The following KCNQ2 variants were observed in gnomAD, a reference collection of about 807,000 sequenced individuals.
KCNQ2 encodes the protein potassium voltage-gated channel subfamily KQT member 2.
In KCNQ2, 14 loss-of-function variants were observed where a neutral mutation model predicts 84.8. The observed-to-expected ratio is 0.17, with a 90% CI of 0.11 to 0.26. KCNQ2 has a LOEUF of 0.26. Ranked by LOEUF, KCNQ2 falls within the 10% of genes least tolerant of loss-of-function variation. The pLI, the probability that KCNQ2 is intolerant of heterozygous loss-of-function variation, is 1.00. For synonymous variants in KCNQ2, 599 were observed against 554.1 expected (o/e 1.08, Z -1.14); for missense variants, 788 against 1,254.0 (o/e 0.63, Z 5.61).
intron 10 of KCNQ2, among the ~76,000 whole-genome samples, chr20:63,427,081 G>A (rs994175308): frequency 3.9e-5 from 6 of 152,158 alleles, no homozygotes; most frequent in Non-Finnish European, 7.4e-5. Flanking sequence ...ACTTAGCCGG[G>A]CGTAGTAGCA....
rs555952177 is a variant in KCNQ2 at position 63,415,538 on chromosome 20, C to G, written c.1302-412G>C. On this transcript the variant is annotated intron_variant, in intron 12 of 16. Coordinates refer to ENST00000359125, the MANE Select transcript of KCNQ2 (RefSeq NM_172107.4). ...GGAGGGAGGGAGGGGAGGCCACAGA[C>G]ACTGAGCACCCGGCGGGAGGGAGGG... Among the ~76,000 whole-genome samples the G allele has an allele frequency of 5.7e-3, 456 of 79,748 alleles. 52 individuals are homozygous for G. The highest frequency in any genetic ancestry group is 0.042 in the South Asian group (59 of 1,410). 52.3% of individuals were successfully genotyped at this position (79,748 alleles called of 152,430 possible). A position where few individuals can be genotyped will look rare whatever the true frequency, so the allele number is the denominator to read the frequency against.
At chr20:63,458,179 A>C (rs1600840344) in intron 1 of KCNQ2, among the ~76,000 whole-genome samples, 1 of 142,444 alleles carries the variant, frequency 7.0e-6, no homozygotes, top group Non-Finnish European at 1.5e-5. Flanking sequence ...CCGGCTACCC[A>C]CTCTCCACTG....
At chr20:63,420,569 G>A (rs576834024) in intron 11 of KCNQ2, among the ~76,000 whole-genome samples, 18 of 152,124 alleles carry the variant, frequency 1.2e-4, no homozygotes, top group Non-Finnish European at 2.5e-4. Context: ...CAGGCTCTAG[G>A]AAGAAAGCAC....
intron 4 of KCNQ2, among the ~76,000 whole-genome samples, chr20:63,442,788 TCACCATTACCAC>T (rs1336968042): frequency 1.1e-4 from 7 of 62,944 alleles, no homozygotes; most frequent in African/African-American, 3.1e-4. Flanking sequence ...ACCACCACCA[TCACCATTACCAC>T]CACCATTACC....
intron 1 of KCNQ2, among the ~76,000 whole-genome samples, chr20:63,458,642 G>A (rs1221815457): frequency 6.6e-6 from 1 of 152,152 alleles, no homozygotes; most frequent in Non-Finnish European, 1.5e-5. Flanking sequence ...CGGTCTGCTC[G>A]CCCTCCCGGA....
chr20:63,427,552 C>T (rs2080669817), intron 10 of KCNQ2, among the ~76,000 whole-genome samples: 1 of 152,234 alleles, frequency 6.6e-6, no homozygotes, highest in African/African-American at 2.4e-5. Flanking sequence ...GGGCCTGCTC[C>T]CTCCGAAAGC....
At chr20:63,437,241 G>C (rs1279774990) in intron 7 of KCNQ2, 1 of 152,236 alleles carries the variant, frequency 6.6e-6, no homozygotes. Context: ...CAGCTGCTAA[G>C]AGTGACCTTC....
intron 1 of KCNQ2, among the ~76,000 whole-genome samples, chr20:63,452,616 C>T (rs1346618350): frequency 6.6e-6 from 1 of 152,256 alleles, no homozygotes; most frequent in Non-Finnish European, 1.5e-5. Flanking sequence ...GGAGAGGACA[C>T]AGGGGCCTCG....
At chr20:63,409,275 G>C (rs1365029372) in intron 15 of KCNQ2, among the ~76,000 whole-genome samples, 1 of 152,234 alleles carries the variant, frequency 6.6e-6, no homozygotes, top group Non-Finnish European at 1.5e-5. Flanking sequence ...GTGCACGCGT[G>C]TGCATGTGTT....
rs2145481581 is a variant in KCNQ2 at position 63,406,665 on chromosome 20, G to A, written c.2598C>T (p.Gly866=). ...ATGEGPFGDV[G]WAGPRK ...CGCCTCACTTCCTGGGCCCGGCCCA[G>A]CCCACGTCACCAAAGGGACCCTCGC... The change falls in exon 17 of 17, where the codon GGC becomes GGT. Residue 866 remains glycine (G), a synonymous_variant. Transcript: ENST00000359125. The A allele has an allele frequency of 1.3e-6, 2 of 1,597,814 alleles. No individual in the cohort carries two copies. The highest frequency in any genetic ancestry group is 4.5e-5 in the East Asian group (2 of 44,506).
intron 4 of KCNQ2, among the ~76,000 whole-genome samples, chr20:63,443,137 A>G (rs1206807753): frequency 9.8e-6 from 1 of 102,082 alleles, no homozygotes; most frequent in East Asian, 3.8e-4. Flanking sequence ...CACCACCATC[A>G]TCACCACCAC....
At chr20:63,450,592 G>A in intron 1 of KCNQ2, among the ~76,000 whole-genome samples, 1 of 894 alleles carries the variant, frequency 1.1e-3, no homozygotes, top group East Asian at 0.031. Flanking sequence ...GGGGAAGCCA[G>A]GAGATCCCTA....
Position 63,445,159 on chromosome 20 carries a change from C to A in KCNQ2, c.514+79G>T, listed in dbSNP as rs1251224877. The A allele has an allele frequency of 4.4e-6, 7 of 1,597,948 alleles. No individual in the cohort carries two copies. The South Asian group carries it at 5.5e-5, about 13-fold the overall frequency. Reference sequence around the variant, plus strand: ...CCAGCCTCTCTGGCCCACGCAGACGCCCCAGCTCCCCCCAGGGCTGAGTCC... The same window carrying A: ...CCAGCCTCTCTGGCCCACGCAGACGACCCAGCTCCCCCCAGGGCTGAGTCC... On this transcript the variant is annotated intron_variant, in intron 3 of 16. Coordinates refer to ENST00000359125, the MANE Select transcript of KCNQ2 (RefSeq NM_172107.4).
intron 11 of KCNQ2, among the ~76,000 whole-genome samples, chr20:63,420,458 C>T (rs1387787489): frequency 6.6e-6 from 1 of 150,406 alleles, no homozygotes; most frequent in Admixed American, 6.7e-5. Flanking sequence ...TTCCCCACCC[C>T]AGCCACCCCC....
chr20:63,433,747 A>T (rs1369601180), intron 8 of KCNQ2, 62 bp downstream of exon 8: 1 of 1,612,996 alleles, frequency 6.2e-7, no homozygotes, highest in Non-Finnish European at 8.5e-7. Context: ...AGTGGGGTTT[A>T]AGAACAAATG....
At chr20:63,452,889 G>C (rs532049133) in intron 1 of KCNQ2, among the ~76,000 whole-genome samples, 6 of 151,890 alleles carry the variant, frequency 4.0e-5, no homozygotes, top group Non-Finnish European at 5.9e-5. Context: ...GGGACGACGC[G>C]CCAGCCGGAG....
At chr20:63,454,402 G>A (rs1204038608) in intron 1 of KCNQ2, among the ~76,000 whole-genome samples, 1 of 152,270 alleles carries the variant, frequency 6.6e-6, no homozygotes, top group African/African-American at 2.4e-5. Context: ...GGGAGGCAGA[G>A]AGACGGACGT....
intron 11 of KCNQ2, among the ~76,000 whole-genome samples, chr20:63,423,306 C>T (rs1437661773): frequency 1.3e-5 from 2 of 152,288 alleles, no homozygotes; most frequent in East Asian, 3.9e-4. Context: ...AGCTGTCACC[C>T]GCAGTCCAGG....
At chr20:63,413,957 C>G (rs973611405) in intron 14 of KCNQ2, 131 bp downstream of exon 14, 8 of 731,964 alleles carry the variant, frequency 1.1e-5, no homozygotes, top group Non-Finnish European at 1.9e-5. Flanking sequence ...GTGTCTTAGC[C>G]CTTTCTTTTC....
Sources: gnomAD v4.1 joint callset for allele counts (sites outside exome capture counted in the v4.1 genomes callset) on GRCh38, gnomAD v4.1.1 for gene constraint, MANE v1.5 for transcripts, NCBI Gene and HGNC (gene_info 2026-07-23, HGNC 2026-07-21) for gene names.